Variants in NBEA observed in about 807,000 individuals in gnomAD.
NBEA encodes lysosomal-trafficking regulator 2.
A neutral mutation model predicts 343.4 loss-of-function variants in NBEA; 44 were observed. That is an observed-to-expected ratio of 0.13 (90% CI 0.10 to 0.16). The LOEUF (loss-of-function observed/expected upper bound fraction) is 0.16. Among genes scored for constraint, NBEA ranks in the 10% least tolerant of loss-of-function variants. The pLI is 1.00. For missense variants in NBEA, 2,555 were observed against 3,631.3 expected, an observed-to-expected ratio of 0.70 and a Z score of 7.62; for synonymous variants, 1,175 against 1,238.7, an observed-to-expected ratio of 0.95 and a Z score of 1.08.
chr13:35,541,687 G>T (rs2078830715), intron 41 of NBEA, among the ~76,000 whole-genome samples: 1 of 151,126 alleles, frequency 6.6e-6, no homozygotes, highest in South Asian at 2.1e-4. Flanking sequence ...CTGTTTTGGT[G>T]ATGTCATCAA....
chr13:35,166,863 T>G (rs1275774842), intron 24 of NBEA, among the ~76,000 whole-genome samples: 1 of 151,834 alleles, frequency 6.6e-6, no homozygotes, highest in Non-Finnish European at 1.5e-5. Flanking sequence ...AAATTTAAAG[T>G]GTAAAAAGCC....
At chr13:35,253,174 C>T (rs1013877534) in intron 34 of NBEA, among the ~76,000 whole-genome samples, 4 of 152,050 alleles carry the variant, frequency 2.6e-5, no homozygotes, top group African/African-American at 7.2e-5. Context: ...CAAAAAAACC[C>T]GAAAATTGGA....
At chr13:35,528,430 A>G (rs1033007046) in intron 41 of NBEA, among the ~76,000 whole-genome samples, 2 of 152,254 alleles carry the variant, frequency 1.3e-5, no homozygotes, top group Admixed American at 6.5e-5. Flanking sequence ...ACCAGAAGCA[A>G]TTCCACAACT....
At chr13:35,272,872 C>T (rs148247312) in intron 34 of NBEA, among the ~76,000 whole-genome samples, 1 of 152,090 alleles carries the variant, frequency 6.6e-6, no homozygotes, top group Non-Finnish European at 1.5e-5. Flanking sequence ...TAGAGACCTG[C>T]AAAGAGACTT....
intron 1 of NBEA, among the ~76,000 whole-genome samples, chr13:35,001,458 G>T (rs577859643): frequency 3.3e-5 from 5 of 152,144 alleles, no homozygotes; most frequent in African/African-American, 1.2e-4. Context: ...AAGAAAATAT[G>T]GTATATGTGC....
intron 45 of NBEA, among the ~76,000 whole-genome samples, chr13:35,568,883 G>C (rs1159714183): frequency 6.6e-6 from 1 of 152,186 alleles, no homozygotes; most frequent in Non-Finnish European, 1.5e-5. Flanking sequence ...CAGCTAGACT[G>C]CCTACATTCA....
intron 35 of NBEA, among the ~76,000 whole-genome samples, chr13:35,305,110 A>G (rs538806109): frequency 1.1e-4 from 17 of 152,282 alleles, no homozygotes; most frequent in Admixed American, 6.5e-4. Flanking sequence ...ATCTGTAGCT[A>G]AACTATCCAC....
intron 39 of NBEA, among the ~76,000 whole-genome samples, chr13:35,449,148 T>TTGA (rs1452049760): frequency 6.6e-6 from 1 of 152,232 alleles, no homozygotes; most frequent in African/African-American, 2.4e-5. Context: ...ATAAAAGGCC[T>TTGA]TGGTAAGCCA....
At chr13:35,388,456 T>G (rs1315971783) in intron 38 of NBEA, among the ~76,000 whole-genome samples, 1 of 152,206 alleles carries the variant, frequency 6.6e-6, no homozygotes, top group Non-Finnish European at 1.5e-5. Context: ...TAAGATAATT[T>G]ATATTGTATG....
intron 41 of NBEA, among the ~76,000 whole-genome samples, chr13:35,526,467 G>A (rs544746363): frequency 3.6e-4 from 55 of 152,294 alleles, no homozygotes; most frequent in African/African-American, 1.3e-3. Context: ...GCAACATGGT[G>A]AAAACCCGTC....
At chr13:35,158,644 T>C (rs1270723298) in intron 21 of NBEA, among the ~76,000 whole-genome samples, 1 of 152,104 alleles carries the variant, frequency 6.6e-6, no homozygotes, top group Admixed American at 6.6e-5. Flanking sequence ...ATAGTAATAG[T>C]ACTTTGGTTA....
chr13:35,549,314 A>G (rs998870273), intron 41 of NBEA, among the ~76,000 whole-genome samples: 14 of 152,226 alleles, frequency 9.2e-5, no homozygotes, highest in Non-Finnish European at 1.8e-4. Context: ...TTTCAAATGT[A>G]TATATGAATA....
intron 35 of NBEA, among the ~76,000 whole-genome samples, chr13:35,301,060 T>C (rs2152826118): frequency 6.6e-6 from 1 of 152,314 alleles, no homozygotes; most frequent in Admixed American, 6.5e-5. Context: ...GAAAATATAC[T>C]TTATCTTGTG....
At chr13:35,307,036 T>A (rs979266358) in intron 35 of NBEA, among the ~76,000 whole-genome samples, 9 of 152,172 alleles carry the variant, frequency 5.9e-5, no homozygotes, top group African/African-American at 2.2e-4. Flanking sequence ...GTGTTTGTGA[T>A]TTTCCCCAAA....
intron 11 of NBEA, among the ~76,000 whole-genome samples, chr13:35,104,654 G>C (rs1439994379): frequency 6.6e-6 from 1 of 151,814 alleles, no homozygotes; most frequent in African/African-American, 2.4e-5. Context: ...CTAATAACAG[G>C]TTACTGGTTA....
Position 35,083,914 on chromosome 13 carries a change from G to A in NBEA, c.1571+13062G>A, listed in dbSNP as rs576316088. On this transcript the variant is annotated intron_variant, in intron 10 of 58. Coordinates refer to ENST00000379939, the MANE Select transcript of NBEA (RefSeq NM_001385012.1). Reference sequence around the variant, plus strand: ...AAGCAAACAGAAAACAAAAAAAGGCGGAGATTGTGATCCTAGTCTCTGATA... The same window carrying A: ...AAGCAAACAGAAAACAAAAAAAGGCAGAGATTGTGATCCTAGTCTCTGATA... Among the ~76,000 whole-genome samples, 44 of 152,068 alleles carry A rather than the reference G, an allele frequency of 2.9e-4. No homozygotes were observed. In the South Asian group the frequency reaches 6.0e-3, roughly 21 times the overall value.
intron 11 of NBEA, among the ~76,000 whole-genome samples, chr13:35,101,088 TTC>T (rs2065625570): frequency 6.6e-6 from 1 of 152,042 alleles, no homozygotes; most frequent in African/African-American, 2.4e-5. Context: ...TACATTTTGC[TTC>T]TCCATTCATC....
chr13:35,267,772 A>C (rs1186623187), intron 34 of NBEA, among the ~76,000 whole-genome samples: 1 of 151,884 alleles, frequency 6.6e-6, no homozygotes, highest in Non-Finnish European at 1.5e-5. Flanking sequence ...CATTAGGGAA[A>C]TGCAAAACAA....
intron 38 of NBEA, among the ~76,000 whole-genome samples, chr13:35,412,805 C>T (rs1196177283): frequency 2.6e-5 from 4 of 152,096 alleles, no homozygotes; most frequent in Admixed American, 2.6e-4. Flanking sequence ...AGAAGCGGTG[C>T]AGCATAAGCA....
Sources: allele counts gnomAD v4.1 joint callset (sites outside exome capture counted in the v4.1 genomes callset), GRCh38; gene constraint gnomAD v4.1.1; transcripts MANE v1.5; gene names NCBI Gene and HGNC (gene_info 2026-07-23, HGNC 2026-07-21).